The following TUBD1 variants were observed in gnomAD, a reference collection of about 807,000 sequenced individuals.
The protein encoded by TUBD1 is tubulin delta chain.
Under a neutral mutation model 51.2 loss-of-function variants are expected in TUBD1, and 38 were observed. The observed-to-expected ratio is 0.74, with a 90% confidence interval of 0.57 to 0.97. TUBD1 has a LOEUF of 0.97. Ranked by LOEUF, TUBD1 falls within the 50% of genes least tolerant of loss-of-function variation. TUBD1 has a pLI of 0.00. For missense variants in TUBD1, 489 were observed against 538.4 expected (o/e 0.91, Z 0.91); for synonymous variants, 169 against 178.2 (o/e 0.95, Z 0.41).
intron 5 of TUBD1, among the ~76,000 whole-genome samples, chr17:59,875,814 G>C (rs541132092): frequency 1.3e-5 from 2 of 151,976 alleles, no homozygotes; most frequent in African/African-American, 4.8e-5. Context: ...CCTTAAGATA[G>C]GAATGTGCCT....
At chr17:59,869,186 T>G (rs1296156760) in intron 6 of TUBD1, among the ~76,000 whole-genome samples, 2 of 151,804 alleles carry the variant, frequency 1.3e-5, no homozygotes, top group Non-Finnish European at 2.9e-5. Context: ...GAAAAAATGC[T>G]GACACCCGGC....
intron 8 of TUBD1, among the ~76,000 whole-genome samples, chr17:59,863,348 C>T (rs368273247): frequency 2.6e-5 from 4 of 152,138 alleles, no homozygotes; most frequent in Admixed American, 6.6e-5. Context: ...TGGTGGCTTA[C>T]GCCTGTAATG....
chr17:59,880,779 G>T, intron 4 of TUBD1, 115 bp downstream of exon 4: 1 of 959,398 alleles, frequency 1.0e-6, no homozygotes, highest in Non-Finnish European at 1.6e-6. Flanking sequence ...CTCCCAAAGT[G>T]CTGGGATTAC....
intron 6 of TUBD1, among the ~76,000 whole-genome samples, chr17:59,870,250 T>A (rs996003379): frequency 2.0e-5 from 3 of 151,394 alleles, no homozygotes; most frequent in African/African-American, 7.3e-5. Context: ...ACATTGGTAA[T>A]CCCAGCTACT....
At chr17:59,877,843 T>C (rs1203943540) in intron 5 of TUBD1, among the ~76,000 whole-genome samples, 2 of 151,256 alleles carry the variant, frequency 1.3e-5, no homozygotes, top group Non-Finnish European at 2.9e-5. Context: ...AGGTGAGTTA[T>C]ATCTCAACAT....
At chr17:59,865,769 C>T (rs987242256) in intron 7 of TUBD1, among the ~76,000 whole-genome samples, 2 of 152,032 alleles carry the variant, frequency 1.3e-5, no homozygotes, top group African/African-American at 4.8e-5. Context: ...GAACTCAGTA[C>T]CAGTCAATGG....
rs2040970570 is a variant in TUBD1, at chr17:59,890,925, G to C, written c.78C>G (p.Asp26Glu). ...AGCAGAGTCCCTGGGAACTGTGTGA[G>C]TCACTAAGCAAAGCATCAAAAACTT... is the stretch of plus-strand genomic sequence containing the variant. ...GFEVFDALLS[D>E]SHSSQGLCSM... Residue 26 changes from aspartate (D) to glutamate (E), a missense_variant, in exon 2 of 9, where the codon GAC becomes GAG. Asp to Glu is a conservative substitution (Grantham distance 45). Coordinates refer to ENST00000325752, the MANE Select transcript of TUBD1 (RefSeq NM_016261.4). 6.2e-7 allele frequency: 1 copy of C among 1,613,824 alleles called. No homozygotes were observed. Among genetic ancestry groups the C allele is most frequent in the East Asian group, 2.2e-5 (1 of 44,880 alleles).
At position 59,890,653 on chromosome 17, in the gene TUBD1, T is replaced by C. The variant is rs543542908; in HGVS notation, c.172+178A>G. Among the ~76,000 whole-genome samples, 47 of 152,298 alleles carry C rather than the reference T, an allele frequency of 3.1e-4. 1 individual carries two copies. The highest frequency in any genetic ancestry group is 7.9e-4 in the Admixed American group (12 of 15,284). On this transcript the variant is annotated intron_variant, in intron 2 of 8. Transcript: ENST00000325752. ...GTTTTAAATTGGTGAGATCTGAGCA[T>C]GCAGAAGGGAAAATGCCACTGGAAA...
chr17:59,876,412 T>C (rs537306625), intron 5 of TUBD1, among the ~76,000 whole-genome samples: 4 of 150,768 alleles, frequency 2.7e-5, no homozygotes, highest in South Asian at 2.1e-4. Flanking sequence ...CTGGAGTGCA[T>C]TGCATGACCT....
chr17:59,882,347 C>T (rs1377592629), intron 3 of TUBD1, among the ~76,000 whole-genome samples: 1 of 151,456 alleles, frequency 6.6e-6, no homozygotes, highest in African/African-American at 2.4e-5. Flanking sequence ...GCAGTGGCAC[C>T]ATTTCAGCTC....
At chr17:59,868,005 GT>G (rs1048040376) in intron 6 of TUBD1, among the ~76,000 whole-genome samples, 25 of 148,662 alleles carry the variant, frequency 1.7e-4, no homozygotes, top group Admixed American at 1.6e-3. Context: ...GCTTATGCCT[GT>G]AATCCTAGCA....
intron 2 of TUBD1, among the ~76,000 whole-genome samples, chr17:59,887,123 T>C (rs1441220806): frequency 2.6e-5 from 4 of 151,026 alleles, no homozygotes; most frequent in Non-Finnish European, 5.9e-5. Context: ...GAGGTGGAGG[T>C]TGCAGTGAGC....
intron 6 of TUBD1, among the ~76,000 whole-genome samples, chr17:59,872,769 ATT>A (rs1173662832): frequency 2.2e-5 from 3 of 135,296 alleles, no homozygotes. Context: ...TCAATTCTCA[ATT>A]TTTTTTTTTT....
intron 6 of TUBD1, among the ~76,000 whole-genome samples, chr17:59,867,579 T>C (rs2039766169): frequency 6.6e-6 from 1 of 152,012 alleles, no homozygotes; most frequent in Non-Finnish European, 1.5e-5. Context: ...ATGCACCTAC[T>C]TGAGAAACTG....
chr17:59,860,328 A>G lies in TUBD1; in HGVS notation c.1356T>C (p.Asn452=). ...SLEQVVASYC[N]L is the part of the protein sequence containing the mutation. ...CTTTTCCCATTGTTCAAGATCAGAG[A>G]TTACAGTAACTGGCAACAACCTGCT... Residue 452 remains asparagine, a synonymous_variant, in exon 9 of 9, where the codon AAT becomes AAC. Transcript: ENST00000325752. 3 of 1,604,024 alleles carry G rather than the reference A, an allele frequency of 1.9e-6. No individual in the cohort carries two copies. Among genetic ancestry groups the G allele is most frequent in the Non-Finnish European group, 2.6e-6 (3 of 1,173,470 alleles).
At chr17:59,868,655 G>A (rs1568288292) in intron 6 of TUBD1, among the ~76,000 whole-genome samples, 1 of 152,080 alleles carries the variant, frequency 6.6e-6, no homozygotes, top group Non-Finnish European at 1.5e-5. Flanking sequence ...TGGCCAACAT[G>A]GTGAAACCCC....
At chr17:59,866,450 G>A (rs1470917184) in intron 7 of TUBD1, 159 bp downstream of exon 7, 5 of 760,404 alleles carry the variant, frequency 6.6e-6, no homozygotes, top group Admixed American at 5.9e-5. Context: ...TTGGTGTCTA[G>A]TCACATACTA....
chr17:59,879,268 C>CA (rs373101335), intron 4 of TUBD1, among the ~76,000 whole-genome samples: 102,139 of 127,070 alleles, frequency 0.8, 42,004 homozygotes, highest in South Asian at 0.91. Flanking sequence ...AACTCTGTCT[C>CA]AAAAAAAAAA....
intron 8 of TUBD1, 41 bp downstream of exon 8, chr17:59,863,616 CAAAAAAA>C: frequency 1.7e-6 from 2 of 1,143,644 alleles, no homozygotes; most frequent in Non-Finnish European, 2.2e-6. Flanking sequence ...GACTCTGTCT[CAAAAAAA>C]AAAAAAAAAA....
Sources: allele counts gnomAD v4.1 joint callset (sites outside exome capture counted in the v4.1 genomes callset), GRCh38; gene constraint gnomAD v4.1.1; transcripts MANE v1.5; gene names NCBI Gene and HGNC (gene_info 2026-07-23, HGNC 2026-07-21).